The following CYP3A5 variants were observed in gnomAD, a reference collection of about 807,000 sequenced individuals.
The protein encoded by CYP3A5 is cytochrome P450 family 3 subfamily A member 5.
In CYP3A5, 51 loss-of-function variants were observed where a neutral mutation model predicts 55.9. That is an observed-to-expected ratio of 0.91 (90% CI 0.73 to 1.15). CYP3A5 has a LOEUF of 1.15. CYP3A5 is among the 50% of genes most tolerant of loss of function. The probability of loss-of-function intolerance (pLI) is 0.00; values close to 1 mark genes in which losing one functional copy is unlikely to be tolerated. For missense variants in CYP3A5, 533 were observed against 596.6 expected, an observed-to-expected ratio of 0.89 and a Z score of 1.11; for synonymous variants, 196 against 213.9, an observed-to-expected ratio of 0.92 and a Z score of 0.73.
chr7:99,658,462 G>A (rs1810017567), intron 10 of CYP3A5, among the ~76,000 whole-genome samples: 1 of 152,050 alleles, frequency 6.6e-6, no homozygotes, highest in Non-Finnish European at 1.5e-5. Context: ...CTGTTAGTCT[G>A]ATGGGTTTGT....
chr7:99,677,526 CCT>C (rs756178832), intron 1 of CYP3A5, among the ~76,000 whole-genome samples: 1 of 152,186 alleles, frequency 6.6e-6, no homozygotes, highest in Non-Finnish European at 1.5e-5. Flanking sequence ...CTTGTTTACT[CCT>C]CTTTAGAGGT....
Position 99,666,709 on chromosome 7 carries a change from G to T in CYP3A5, c.433-20C>A. 1 of 1,614,006 alleles carries T rather than the reference G, an allele frequency of 6.2e-7. No individual in the cohort carries two copies. Among genetic ancestry groups the T allele is most frequent in the Non-Finnish European group, 8.5e-7 (1 of 1,179,916 alleles). On this transcript the variant is annotated intron_variant, in intron 5 of 12. Transcript: ENST00000222982. ...GAACATCTAAGCACAAAACAGATCA[G>T]TACCTGTAGTTAAATGTGCAGACTC...
At chr7:99,671,908 C>G (rs1449875999) in intron 4 of CYP3A5, 2 of 699,780 alleles carry the variant, frequency 2.9e-6, no homozygotes, top group Non-Finnish European at 5.2e-6. Context: ...CTTAGAACTA[C>G]CCACACACAT....
chr7:99,668,824 T>C (rs766483591), intron 4 of CYP3A5, among the ~76,000 whole-genome samples: 1 of 152,246 alleles, frequency 6.6e-6, no homozygotes, highest in Non-Finnish European at 1.5e-5. Context: ...GGTGTGCGAC[T>C]TCCAGTGTGT....
intron 5 of CYP3A5, 57 bp downstream of exon 5, chr7:99,666,895 A>G (rs1811078609): frequency 4.4e-6 from 7 of 1,604,056 alleles, no homozygotes; most frequent in African/African-American, 2.7e-5. Flanking sequence ...CTTACTTTCT[A>G]CCTGTCCCCA....
At chr7:99,677,159 A>G (rs891177239) in intron 1 of CYP3A5, 3 of 985,200 alleles carry the variant, frequency 3.0e-6, no homozygotes, top group Non-Finnish European at 3.6e-6. Context: ...ATCTTTCATG[A>G]GTCATGTGCA....
intron 6 of CYP3A5, 115 bp from the exon 7 acceptor site, chr7:99,665,429 C>G: frequency 7.1e-7 from 1 of 1,401,326 alleles, no homozygotes; most frequent in Non-Finnish European, 1.0e-6. Context: ...CACAGACTTT[C>G]AGAACTATCT....
intron 3 of CYP3A5, among the ~76,000 whole-genome samples, chr7:99,673,558 C>CA (rs763202557): frequency 2.1e-4 from 32 of 152,160 alleles, no homozygotes; most frequent in Admixed American, 7.9e-4. Flanking sequence ...CAAAGCAGAA[C>CA]AAAAAATTCC....
rs1054655861 is a variant in CYP3A5, at chr7:99,665,092, T to C, written c.670+74A>G. ...AATTGTACCTTTTAAGTGGATGAATTATACGATATGTGAATTATATGTCAA... is the reference window on the plus strand; with the variant it reads ...AATTGTACCTTTTAAGTGGATGAATCATACGATATGTGAATTATATGTCAA... On this transcript the variant is annotated intron_variant, in intron 7 of 12. Coordinates refer to ENST00000222982, the MANE Select transcript of CYP3A5 (RefSeq NM_000777.5). The C allele has an allele frequency of 2.0e-5, 25 of 1,257,490 alleles. No homozygotes were observed. The African/African-American group carries it at 2.3e-4, about 12-fold the overall frequency. 77.9% of individuals were successfully genotyped at this position (1,257,490 alleles called of 1,614,324 possible).
In CYP3A5 at chr7:99,653,838, T is replaced by TA. The variant is rs1214413073; in HGVS notation, c.1027-1060dup. ...GTGTTATATTTGGGAGGCAGTATTG[T>TA]AGAGGGTTAGAGTTTAGCTCAGGAG... is the stretch of plus-strand genomic sequence containing the variant. On this transcript the variant is annotated intron_variant, in intron 10 of 12. Coordinates refer to ENST00000222982, the MANE Select transcript of CYP3A5 (RefSeq NM_000777.5). This position sits in a 1 kb window ranked among gnomAD's most constrained non-coding sequence, Gnocchi z 4.2. Among the ~76,000 whole-genome samples the TA allele has an allele frequency of 6.6e-6, 1 of 152,210 alleles. No homozygotes were observed. Among genetic ancestry groups the TA allele is most frequent in the Non-Finnish European group, 1.5e-5 (1 of 68,028 alleles).
intron 4 of CYP3A5, 109 bp from the exon 5 acceptor site, chr7:99,667,174 T>C: frequency 9.0e-7 from 1 of 1,114,754 alleles, no homozygotes; most frequent in Admixed American, 2.5e-5. Context: ...ATTGACTGTA[T>C]ATGATATTAT....
At position 99,655,013 on chromosome 7, in the gene CYP3A5, T is replaced by C. The variant is rs186483446; in HGVS notation, c.1027-2234A>G. 1.1e-3 allele frequency among the ~76,000 whole-genome samples: 170 copies of C among 152,368 alleles called. 5 individuals carry two copies. The East Asian group carries it at 0.031, about 28-fold the overall frequency. On this transcript the variant is annotated intron_variant, in intron 10 of 12. Transcript: ENST00000222982. ...AGATGAGTAGGTTGCAAAAATTTTC[T>C]CCCATTCTGTCGGTTGCCTGTTCAC... is the stretch of plus-strand genomic sequence containing the variant.
intron 4 of CYP3A5, among the ~76,000 whole-genome samples, chr7:99,668,656 T>G (rs1488630847): frequency 6.6e-6 from 1 of 152,212 alleles, no homozygotes; most frequent in Non-Finnish European, 1.5e-5. Context: ...TTAAAAGCCA[T>G]TAAAATTAAC....
intron 10 of CYP3A5, among the ~76,000 whole-genome samples, chr7:99,655,015 C>G (rs1412473943): frequency 1.3e-5 from 2 of 152,132 alleles, no homozygotes; most frequent in Non-Finnish European, 2.9e-5. Context: ...AAATTTTCTC[C>G]CATTCTGTCG....
At chr7:99,671,551 C>A in intron 4 of CYP3A5, 1 of 355,182 alleles carries the variant, frequency 2.8e-6, no homozygotes, top group Non-Finnish European at 5.1e-6. Flanking sequence ...AGAAAATGAA[C>A]CTTGATCTAA....
intron 8 of CYP3A5, chr7:99,663,260 C>T (rs541809829): frequency 1.2e-3 from 1,185 of 1,018,894 alleles, no homozygotes; most frequent in Non-Finnish European, 1.3e-3. Context: ...CAGCAGTGTC[C>T]GTATAGATTA....
At chr7:99,671,957 C>A (rs1811689737) in intron 4 of CYP3A5, 1 of 672,244 alleles carries the variant, frequency 1.5e-6, no homozygotes, top group Non-Finnish European at 2.7e-6. Flanking sequence ...CTGGTGAAAT[C>A]TGAAAAGCTC....
chr7:99,648,990 A>C (rs554850140), intron 12 of CYP3A5, among the ~76,000 whole-genome samples: 1 of 152,306 alleles, frequency 6.6e-6, no homozygotes, highest in East Asian at 1.9e-4. Context: ...CAAGTTGTAC[A>C]GTGTTTTGAC....
rs199704389 is a variant in CYP3A5, at chr7:99,665,321, G to A, written c.522-7C>T. On this transcript the variant is annotated splice_polypyrimidine_tract_variant and splice_region_variant and intron_variant, in intron 6 of 12. Transcript: ENST00000222982. ...GCTGTAGGCCCCAAAGATGCTGAGT[G>A]GAGAAAGATATGGAAAATTAAAATC... 6.2e-6 allele frequency: 10 copies of A among 1,613,928 alleles called. No individual in the cohort carries two copies. The highest frequency in any genetic ancestry group is 5.5e-5 in the South Asian group (5 of 91,082).
Sources: gnomAD v4.1 joint callset for allele counts (sites outside exome capture counted in the v4.1 genomes callset) on GRCh38, gnomAD v4.1.1 for gene constraint, Gnocchi (gnomAD v3.1) non-coding constraint, MANE v1.5 for transcripts, NCBI Gene and HGNC (gene_info 2026-07-23, HGNC 2026-07-21) for gene names.